Variants in ARHGAP42 observed in about 807,000 individuals in gnomAD.
ARHGAP42 encodes the protein Rho GTPase activating protein 42.
In ARHGAP42, 63 loss-of-function variants were observed where a neutral mutation model predicts 125.0. That is an observed-to-expected ratio of 0.50 (90% confidence interval 0.41 to 0.62). The LOEUF (loss-of-function observed/expected upper bound fraction) is 0.62. Among genes scored for constraint, ARHGAP42 ranks in the 20% least tolerant of loss-of-function variants. The probability of loss-of-function intolerance (pLI) is 0.00; values close to 1 mark genes in which losing one functional copy is unlikely to be tolerated. For synonymous variants in ARHGAP42, 339 were observed against 351.0 expected (o/e 0.97, Z 0.38); for missense variants, 766 against 1,024.2 (o/e 0.75, Z 3.44).
intron 2 of ARHGAP42, among the ~76,000 whole-genome samples, chr11:100,789,553 A>C (rs1863517226): frequency 6.6e-6 from 1 of 152,214 alleles, no homozygotes; most frequent in Non-Finnish European, 1.5e-5. Flanking sequence ...TGGCGTGAGC[A>C]TTAGCAGGGT....
chr11:100,945,734 TA>T (rs1174802979), intron 10 of ARHGAP42, among the ~76,000 whole-genome samples: 2 of 152,096 alleles, frequency 1.3e-5, no homozygotes, highest in Admixed American at 6.6e-5. Flanking sequence ...AACCTTACTG[TA>T]AACAGATGTG....
rs1301404908 is a variant in ARHGAP42, at chr11:100,884,252, G to A, written c.384+24627G>A. 2.6e-5 allele frequency among the ~76,000 whole-genome samples: 4 copies of A among 152,258 alleles called. No homozygotes were observed. In the East Asian group the frequency reaches 7.7e-4, roughly 29 times the overall value. ...AGTTACTGTTTCAGCAAAATGGGTAGCAACCACAGCAATTTAAAAATAAAA... is the reference window on the plus strand; with the variant it reads ...AGTTACTGTTTCAGCAAAATGGGTAACAACCACAGCAATTTAAAAATAAAA... On this transcript the variant is annotated intron_variant, in intron 4 of 23. Transcript: ENST00000298815.
Position 100,705,772 on chromosome 11 carries a change from G to T in ARHGAP42, c.154+17940G>T, listed in dbSNP as rs146855377. On this transcript the variant is annotated intron_variant, in intron 1 of 23. Transcript: ENST00000298815. Reference sequence around the variant, plus strand: ...TTTAGAGTCAGGGTCTCACTGTGTTGCCCAGGCTGGTCTCAAACCCCTGGT... The same window carrying T: ...TTTAGAGTCAGGGTCTCACTGTGTTTCCCAGGCTGGTCTCAAACCCCTGGT... Among the ~76,000 whole-genome samples, 47 of 152,082 alleles carry T rather than the reference G, an allele frequency of 3.1e-4. No homozygotes were observed. The East Asian group carries it at 8.1e-3, about 26-fold the overall frequency.
chr11:100,802,867 C>T (rs958492011), intron 3 of ARHGAP42, among the ~76,000 whole-genome samples: 3 of 152,186 alleles, frequency 2.0e-5, no homozygotes, highest in Admixed American at 2.0e-4. Flanking sequence ...TCATCCATAT[C>T]CTGTCATGAT....
At chr11:100,829,332 C>A (rs1398960000) in intron 3 of ARHGAP42, among the ~76,000 whole-genome samples, 12 of 151,570 alleles carry the variant, frequency 7.9e-5, no homozygotes, top group Admixed American at 7.9e-4. Flanking sequence ...TGCACTCCAG[C>A]CTGGGTGAGA....
At chr11:100,708,582 G>C (rs1861513924) in intron 1 of ARHGAP42, among the ~76,000 whole-genome samples, 1 of 152,044 alleles carries the variant, frequency 6.6e-6, no homozygotes, top group Non-Finnish European at 1.5e-5. Context: ...ATATTATAAT[G>C]ACACTAGTTT....
At chr11:100,847,592 C>T (rs906062791) in intron 3 of ARHGAP42, among the ~76,000 whole-genome samples, 1 of 151,944 alleles carries the variant, frequency 6.6e-6, no homozygotes, top group Non-Finnish European at 1.5e-5. Flanking sequence ...ATAGGTGGGT[C>T]GTGAAACACA....
chr11:100,975,921 A>T, intron 19 of ARHGAP42, 136 bp from the exon 20 acceptor site: 1 of 905,684 alleles, frequency 1.1e-6, no homozygotes, highest in Non-Finnish European at 1.6e-6. Flanking sequence ...TCTCCGTACT[A>T]GGTAGGGGCC....
chr11:100,908,799 C>G (rs759684316), intron 4 of ARHGAP42, among the ~76,000 whole-genome samples: 2 of 152,134 alleles, frequency 1.3e-5, no homozygotes, highest in African/African-American at 2.4e-5. Context: ...TAGCTCTATT[C>G]TTAGTTCTTT....
chr11:100,779,485 T>TATACACACACAC (rs1312550660), intron 2 of ARHGAP42, among the ~76,000 whole-genome samples: 117 of 81,406 alleles, frequency 1.4e-3, no homozygotes, highest in East Asian at 7.5e-3. Flanking sequence ...TATATATATA[T>TATACACACACAC]ACACACACAC....
At chr11:100,935,673 C>CAGAGAG (rs202012921) in intron 7 of ARHGAP42, among the ~76,000 whole-genome samples, 5 of 122,134 alleles carry the variant, frequency 4.1e-5, no homozygotes, top group East Asian at 2.2e-4. Context: ...CACACACACA[C>CAGAGAG]ACACAGAGAG....
chr11:100,968,556 C>T (rs1858158090), intron 17 of ARHGAP42, among the ~76,000 whole-genome samples: 1 of 152,050 alleles, frequency 6.6e-6, no homozygotes, highest in Non-Finnish European at 1.5e-5. Context: ...TATGTTATAT[C>T]CCAACAATCC....
At chr11:100,849,602 TAAC>T (rs953642028) in intron 3 of ARHGAP42, among the ~76,000 whole-genome samples, 4 of 152,200 alleles carry the variant, frequency 2.6e-5, no homozygotes, top group African/African-American at 9.6e-5. Flanking sequence ...GTTTTATTTT[TAAC>T]AACACTGTGA....
intron 2 of ARHGAP42, among the ~76,000 whole-genome samples, chr11:100,780,982 A>G (rs1205824753): frequency 1.3e-5 from 2 of 152,188 alleles, no homozygotes; most frequent in Non-Finnish European, 2.9e-5. Context: ...CACAGCTTGC[A>G]CTTTTGTTAA....
At chr11:100,807,519 C>A (rs149321216) in intron 3 of ARHGAP42, among the ~76,000 whole-genome samples, 1 of 152,104 alleles carries the variant, frequency 6.6e-6, no homozygotes, top group Non-Finnish European at 1.5e-5. Flanking sequence ...GTTATTTGAT[C>A]CTTACAACAA....
intron 4 of ARHGAP42, among the ~76,000 whole-genome samples, chr11:100,875,250 T>C (rs2135166231): frequency 6.6e-6 from 1 of 152,264 alleles, no homozygotes; most frequent in Non-Finnish European, 1.5e-5. Flanking sequence ...TTTTTGCTTT[T>C]AAAGTTTTCA....
intron 5 of ARHGAP42, among the ~76,000 whole-genome samples, chr11:100,921,237 ATATATATATTTTTTTTTTTTT>A (rs1239907973): frequency 7.0e-4 from 20 of 28,680 alleles, no homozygotes; most frequent in East Asian, 5.1e-3. Flanking sequence ...ATATATATAT[ATATATATATTTTTTTTTTTTT>A]TTTTTTTTTT....
At position 100,899,731 on chromosome 11, in the gene ARHGAP42, T is replaced by G. The variant is rs1450371742; in HGVS notation, c.385-13721T>G. Among the ~76,000 whole-genome samples the G allele has an allele frequency of 9.0e-4, 100 of 111,254 alleles. 1 individual carries two copies. Among genetic ancestry groups the G allele is most frequent in the East Asian group, 3.6e-3 (10 of 2,774 alleles). The allele number at this position is 111,254 out of a possible 152,430, so 73.0% of individuals were successfully genotyped here. A position where few individuals can be genotyped will look rare whatever the true frequency, so the allele number is the denominator to read the frequency against. Reference sequence around the variant, plus strand: ...TTTTGTTTTGTGTTTTGTTTTTTTTTTTGTTTTTTTTTGCTCTCTATTTGC... The same window carrying G: ...TTTTGTTTTGTGTTTTGTTTTTTTTGTTGTTTTTTTTTGCTCTCTATTTGC... On this transcript the variant is annotated intron_variant, in intron 4 of 23. Coordinates refer to ENST00000298815, the MANE Select transcript of ARHGAP42 (RefSeq NM_152432.4).
At chr11:100,954,747 A>C (rs1327192114) in intron 12 of ARHGAP42, among the ~76,000 whole-genome samples, 2 of 152,172 alleles carry the variant, frequency 1.3e-5, no homozygotes, top group African/African-American at 4.8e-5. Context: ...CTTCATGGGC[A>C]GAGCAGAATG....
Sources: gnomAD v4.1 joint callset for allele counts (sites outside exome capture counted in the v4.1 genomes callset) on GRCh38, gnomAD v4.1.1 for gene constraint, MANE v1.5 for transcripts, NCBI Gene and HGNC (gene_info 2026-07-23, HGNC 2026-07-21) for gene names.